Variants in MAST2 observed in about 807,000 individuals in gnomAD.
The protein encoded by MAST2 is microtubule-associated serine/threonine-protein kinase 2.
MAST2 carries 70 observed loss-of-function variants against 147.4 expected under a neutral mutation model. The observed-to-expected ratio is 0.47, with a 90% CI of 0.39 to 0.58. The LOEUF (loss-of-function observed/expected upper bound fraction) is 0.58, where lower values mean the gene tolerates loss of function less well. Ranked by LOEUF, MAST2 falls within the 20% of genes least tolerant of loss-of-function variation. The pLI, the probability that MAST2 is intolerant of heterozygous loss-of-function variation, is 0.00. For missense variants in MAST2, 2,080 were observed against 2,302.3 expected (o/e 0.90, Z 1.98); for synonymous variants, 869 against 896.8 (o/e 0.97, Z 0.55).
At chr1:45,947,401 A>G (rs1017040086) in intron 4 of MAST2, among the ~76,000 whole-genome samples, 6 of 151,940 alleles carry the variant, frequency 3.9e-5, no homozygotes, top group Non-Finnish European at 5.9e-5. Context: ...GCTGTCCTGG[A>G]CTGCATGTGG....
intron 3 of MAST2, among the ~76,000 whole-genome samples, chr1:45,839,741 C>A (rs957251670): frequency 9.2e-5 from 14 of 152,172 alleles, no homozygotes; most frequent in African/African-American, 3.4e-4. Flanking sequence ...AAAAAGAAGA[C>A]CAAAGTTAGA....
In MAST2 at chr1:45,851,761, G is replaced by A. The variant is rs1377778769; in HGVS notation, c.468+22180G>A. Among the ~76,000 whole-genome samples, 3 of 151,832 alleles carry A rather than the reference G, an allele frequency of 2.0e-5. No individual in the cohort carries two copies. The East Asian group carries it at 5.8e-4, about 29-fold the overall frequency. On this transcript the variant is annotated intron_variant, in intron 3 of 28. Coordinates refer to ENST00000361297, the MANE Select transcript of MAST2 (RefSeq NM_015112.3). ...CTTGACCTAATAGAAAAAATTTTCAGCCCTACTTGAAATGAATTACCTGAG... is the reference window on the plus strand; with the variant it reads ...CTTGACCTAATAGAAAAAATTTTCAACCCTACTTGAAATGAATTACCTGAG...
At chr1:45,905,537 T>C (rs1227705875) in intron 4 of MAST2, among the ~76,000 whole-genome samples, 1 of 152,084 alleles carries the variant, frequency 6.6e-6, no homozygotes, top group Admixed American at 6.5e-5. Flanking sequence ...TCAGCACTTT[T>C]GGAGGCCAAG....
chr1:46,016,026 T>A (rs1311755427), intron 10 of MAST2, among the ~76,000 whole-genome samples: 1 of 151,442 alleles, frequency 6.6e-6, no homozygotes, highest in African/African-American at 2.4e-5. Flanking sequence ...TCAATATACA[T>A]AAATCAATAA....
intron 4 of MAST2, among the ~76,000 whole-genome samples, chr1:45,899,196 G>T (rs911133422): frequency 1.3e-5 from 2 of 151,830 alleles, no homozygotes; most frequent in Admixed American, 1.3e-4. Flanking sequence ...TGCCATCCAT[G>T]AACCAAACAG....
intron 4 of MAST2, among the ~76,000 whole-genome samples, chr1:45,956,918 G>A (rs1251738111): frequency 3.3e-5 from 5 of 152,162 alleles, no homozygotes; most frequent in African/African-American, 4.8e-5. Flanking sequence ...AAAGCAAAGT[G>A]CAAGACCATG....
intron 4 of MAST2, among the ~76,000 whole-genome samples, chr1:45,898,269 C>T (rs1046504896): frequency 2.6e-5 from 4 of 152,314 alleles, no homozygotes; most frequent in African/African-American, 4.8e-5. Context: ...AAAAGTCCCA[C>T]GTTAAGTATG....
intron 4 of MAST2, among the ~76,000 whole-genome samples, chr1:45,945,197 A>G (rs1657854214): frequency 6.6e-6 from 1 of 152,166 alleles, no homozygotes; most frequent in Non-Finnish European, 1.5e-5. Context: ...GCTGCTCAGG[A>G]GGCTGTGGTT....
chr1:46,022,201 G>T, intron 12 of MAST2, 119 bp downstream of exon 12: 3 of 1,331,238 alleles, frequency 2.3e-6, no homozygotes, highest in Non-Finnish European at 1.0e-6. Context: ...GGCCCCGGGG[G>T]CCTCAGGATT....
intron 5 of MAST2, among the ~76,000 whole-genome samples, chr1:45,960,001 G>A (rs183480678): frequency 2.0e-5 from 3 of 152,212 alleles, no homozygotes; most frequent in Non-Finnish European, 1.5e-5. Flanking sequence ...GAAATCCTAG[G>A]CTCGAGTGAT....
chr1:46,023,144 C>A lies in MAST2; in HGVS notation c.1486-89C>A. 2 of 1,320,256 alleles carry A rather than the reference C, an allele frequency of 1.5e-6. No homozygotes were observed. The highest frequency in any genetic ancestry group is 2.2e-6 in the Non-Finnish European group (2 of 913,294). 81.8% of individuals were successfully genotyped at this position (1,320,256 alleles called of 1,614,324 possible). The stretch of plus-strand genomic sequence containing the variant: ...GAGCAGGAGACTGCACTAGAGCTGA[C>A]AGCTGAGAAGATGCTAGAGCCACAG... On this transcript the variant is annotated intron_variant, in intron 13 of 28. Transcript: ENST00000361297. The surrounding 1 kb of genome is among the most constrained non-coding windows in gnomAD (Gnocchi z 4.9).
chr1:46,011,589 C>T (rs1030185175), intron 10 of MAST2, among the ~76,000 whole-genome samples: 6 of 152,216 alleles, frequency 3.9e-5, no homozygotes, highest in Non-Finnish European at 8.8e-5. Flanking sequence ...CCATCTCACT[C>T]AGACCACAGC....
At chr1:45,954,028 A>C (rs1275672635) in intron 4 of MAST2, among the ~76,000 whole-genome samples, 2 of 152,128 alleles carry the variant, frequency 1.3e-5, no homozygotes, top group African/African-American at 4.8e-5. Flanking sequence ...CCAGCTCCAC[A>C]TTCTTCTTTA....
intron 6 of MAST2, among the ~76,000 whole-genome samples, chr1:46,000,446 C>A (rs1645229979): frequency 6.6e-6 from 1 of 152,176 alleles, no homozygotes; most frequent in African/African-American, 2.4e-5. Context: ...TGTGTGTAGA[C>A]CATTCCAGGC....
Position 46,030,987 on chromosome 1 carries a change from C to A in MAST2, c.2709-20C>A. 6.2e-7 allele frequency: 1 copy of A among 1,609,326 alleles called. No homozygotes were observed. Among genetic ancestry groups the A allele is most frequent in the Non-Finnish European group, 8.5e-7 (1 of 1,177,324 alleles). On this transcript the variant is annotated intron_variant, in intron 22 of 28. Coordinates refer to ENST00000361297, the MANE Select transcript of MAST2 (RefSeq NM_015112.3). The stretch of plus-strand genomic sequence containing the variant: ...AGGGGGACCACCTGGGTCACTCACC[C>A]CAGGCCTTGTGTCTCATAGATTACG...
At chr1:46,027,954 G>A in intron 17 of MAST2, 91 bp downstream of exon 17, 1 of 1,497,604 alleles carries the variant, frequency 6.7e-7, no homozygotes, top group East Asian at 2.3e-5. Flanking sequence ...CCCTTTGGGA[G>A]GCTGAGGCAG....
At position 45,975,495 on chromosome 1, in the gene MAST2, C is replaced by CAAAAAAAA. The variant is rs60802520; in HGVS notation, c.592+16037_592+16044dup. Among the ~76,000 whole-genome samples, 4 of 40,432 alleles carry CAAAAAAAA rather than the reference C, an allele frequency of 9.9e-5. 2 individuals carry two copies. The highest frequency in any genetic ancestry group is 1.9e-4 in the African/African-American group (2 of 10,262). The allele number at this position is 40,432 out of a possible 152,430, so 26.5% of individuals were successfully genotyped here. Reference sequence around the variant, plus strand: ...GCAATATAGTGAGTCCCTGTCTCTCCAAAAAAAAAAAAAAAAAAAAAAAAA... The same window carrying CAAAAAAAA: ...GCAATATAGTGAGTCCCTGTCTCTCCAAAAAAAAAAAAAAAAAAAAAAAAAAAAAAAAA... On this transcript the variant is annotated intron_variant, in intron 5 of 28. Transcript: ENST00000361297.
At chr1:45,809,266 T>C (rs908324794) in intron 1 of MAST2, among the ~76,000 whole-genome samples, 1 of 152,218 alleles carries the variant, frequency 6.6e-6, no homozygotes, top group Non-Finnish European at 1.5e-5. Flanking sequence ...CTTTAATTAG[T>C]CATCAGTTTG....
intron 5 of MAST2, among the ~76,000 whole-genome samples, chr1:45,987,511 C>T (rs1268645026): frequency 6.6e-6 from 1 of 152,078 alleles, no homozygotes; most frequent in Non-Finnish European, 1.5e-5. Context: ...GGGGTCTCAT[C>T]GTGTTGCCCA....
Sources: allele counts gnomAD v4.1 joint callset (sites outside exome capture counted in the v4.1 genomes callset), GRCh38; gene constraint gnomAD v4.1.1; non-coding constraint Gnocchi (gnomAD v3.1); transcripts MANE v1.5; gene names NCBI Gene and HGNC (gene_info 2026-07-23, HGNC 2026-07-21).